The following TRANK1 variants were observed in gnomAD, a reference collection of about 807,000 sequenced individuals.
The protein encoded by TRANK1 is TPR and ankyrin repeat-containing protein 1.
A neutral mutation model predicts 266.0 loss-of-function variants in TRANK1; 198 were observed. The ratio of observed to expected loss-of-function variants is 0.74; its 90% CI spans 0.66 to 0.84. The LOEUF is 0.84. Among genes scored for constraint, TRANK1 ranks in the 40% least tolerant of loss-of-function variants. The pLI is 0.00. For missense variants in TRANK1, 3,326 were observed against 3,634.6 expected, an observed-to-expected ratio of 0.92 and a Z score of 2.18; for synonymous variants, 1,396 against 1,384.1, an observed-to-expected ratio of 1.01 and a Z score of -0.19.
chr3:36,840,549 A>G (rs901938306), intron 18 of TRANK1, among the ~76,000 whole-genome samples: 5 of 152,116 alleles, frequency 3.3e-5, no homozygotes, highest in Non-Finnish European at 7.4e-5. Flanking sequence ...CTCCCGTCCA[A>G]TCTAGGCTGA....
intron 1 of TRANK1, among the ~76,000 whole-genome samples, chr3:36,932,637 T>C (rs962415017): frequency 6.6e-6 from 1 of 152,126 alleles, no homozygotes. Flanking sequence ...TTAAAGTGAA[T>C]AAAGCAAACT....
chr3:36,842,895 A>G (rs1228952913), intron 17 of TRANK1, among the ~76,000 whole-genome samples, 185 bp from the exon 18 acceptor site: 1 of 152,198 alleles, frequency 6.6e-6, no homozygotes, highest in Non-Finnish European at 1.5e-5. Context: ...TGACTAGGTT[A>G]AAATGAGGCC....
intron 9 of TRANK1, among the ~76,000 whole-genome samples, chr3:36,866,068 G>GAA (rs2079217923): frequency 1.4e-5 from 2 of 139,320 alleles, no homozygotes; most frequent in East Asian, 2.1e-4. Flanking sequence ...AAGAAAGAAA[G>GAA]AAAGAAAGAA....
At chr3:36,934,378 G>A (rs1363594112) in intron 1 of TRANK1, among the ~76,000 whole-genome samples, 1 of 152,160 alleles carries the variant, frequency 6.6e-6, no homozygotes, top group African/African-American at 2.4e-5. Flanking sequence ...TTGCCCTGAG[G>A]CCCAGCTGCT....
intron 15 of TRANK1, 147 bp from the exon 16 acceptor site, chr3:36,847,493 A>C: frequency 1.2e-6 from 1 of 806,492 alleles, no homozygotes; most frequent in Non-Finnish European, 1.9e-6. Flanking sequence ...GTGATCTTAG[A>C]ATGGATAGGA....
chr3:36,884,858 G>A (rs535678548), intron 8 of TRANK1, among the ~76,000 whole-genome samples: 6 of 151,652 alleles, frequency 4.0e-5, no homozygotes, highest in South Asian at 2.1e-4. Context: ...GCTTGAACCC[G>A]GGAGGCGGAG....
chr3:36,877,857 C>A (rs187675501), intron 8 of TRANK1, among the ~76,000 whole-genome samples: 1 of 152,270 alleles, frequency 6.6e-6, no homozygotes, highest in Non-Finnish European at 1.5e-5. Flanking sequence ...CCATCGTTCA[C>A]CAGTATTTTA....
intron 2 of TRANK1, 110 bp downstream of exon 2, chr3:36,908,213 A>G (rs2080001587): frequency 1.7e-6 from 2 of 1,164,300 alleles, no homozygotes; most frequent in Non-Finnish European, 1.1e-6. Context: ...GGAAGTGAGC[A>G]ATAAAGAAAA....
intron 1 of TRANK1, among the ~76,000 whole-genome samples, chr3:36,932,867 G>A (rs1053334164): frequency 5.9e-5 from 9 of 152,228 alleles, no homozygotes; most frequent in African/African-American, 2.2e-4. Context: ...GTTTGTTTTT[G>A]CAGCCCTAAG....
At chr3:36,897,795 G>C in intron 4 of TRANK1, among the ~76,000 whole-genome samples, 1 of 152,002 alleles carries the variant, frequency 6.6e-6, no homozygotes, top group East Asian at 1.9e-4. Flanking sequence ...ATCAAACACC[G>C]TATTTAAAAA....
chr3:36,874,218 A>G lies in TRANK1; in HGVS notation c.986T>C (p.Val329Ala). 1.3e-6 allele frequency: 2 copies of G among 1,537,210 alleles called. No individual in the cohort carries two copies. Among genetic ancestry groups the G allele is most frequent in the South Asian group, 1.2e-5 (1 of 84,046 alleles). ...TLLDRQSRSV[V>A]DVLKRNKNFK... is the part of the protein sequence containing the mutation. Reference sequence around the variant, plus strand: ...GTTCTTATTCCTCTTCAGGACATCCACAACAGACCGAGACTGTCGATCCAG... The same window carrying G: ...GTTCTTATTCCTCTTCAGGACATCCGCAACAGACCGAGACTGTCGATCCAG... Residue 329 changes from valine (V) to alanine (A), a missense_variant, in exon 9 of 24, where the codon GTG becomes GCG. Physicochemically the swap from Val to Ala is moderately conservative, Grantham distance 64. Coordinates refer to ENST00000645898, the MANE Select transcript of TRANK1 (RefSeq NM_001329998.2).
intron 2 of TRANK1, among the ~76,000 whole-genome samples, chr3:36,907,744 A>G (rs1436495245): frequency 1.3e-5 from 2 of 152,098 alleles, no homozygotes; most frequent in Non-Finnish European, 2.9e-5. Flanking sequence ...GATTACAGGC[A>G]TGAGCCACCG....
chr3:36,859,391 G>A (rs1217409309), intron 11 of TRANK1, among the ~76,000 whole-genome samples: 2 of 151,664 alleles, frequency 1.3e-5, no homozygotes, highest in African/African-American at 2.4e-5. Context: ...CCTACATTAG[G>A]TATTTCTCCT....
intron 8 of TRANK1, among the ~76,000 whole-genome samples, chr3:36,879,796 A>AAATAC (rs1553624333): frequency 3.4e-5 from 3 of 87,612 alleles, no homozygotes; most frequent in Admixed American, 2.2e-4. Flanking sequence ...GTAAATATAT[A>AAATAC]AATATACAAA....
chr3:36,882,245 T>G (rs577408023), intron 8 of TRANK1, among the ~76,000 whole-genome samples: 73 of 152,348 alleles, frequency 4.8e-4, no homozygotes, highest in African/African-American at 1.7e-3. Flanking sequence ...TCAACATTTG[T>G]TGTTATCTTT....
At chr3:36,901,101 G>GT (rs55801006) in intron 3 of TRANK1, among the ~76,000 whole-genome samples, 36,446 of 136,552 alleles carry the variant, frequency 0.27, 5,138 homozygotes, top group Non-Finnish European at 0.33. Flanking sequence ...ATTCAAGGTT[G>GT]TTTTTTTTTT....
In TRANK1 at chr3:36,915,052, C is replaced by T. The variant is rs961350512; in HGVS notation, c.24-6598G>A. ...CTGCAAGCTCCGCCTCCCGGGTTCA[C>T]GCCATTCTCCTGCCTCAGCCTCTTG... On this transcript the variant is annotated intron_variant, in intron 1 of 23. Coordinates refer to ENST00000645898, the MANE Select transcript of TRANK1 (RefSeq NM_001329998.2). Among the ~76,000 whole-genome samples, 10 of 152,198 alleles carry T rather than the reference C, an allele frequency of 6.6e-5. No individual in the cohort carries two copies. In the East Asian group the frequency reaches 1.4e-3, roughly 21 times the overall value.
chr3:36,871,868 T>C (rs1185469298), intron 9 of TRANK1, among the ~76,000 whole-genome samples: 1 of 152,194 alleles, frequency 6.6e-6, no homozygotes, highest in Non-Finnish European at 1.5e-5. Context: ...TGCAATAATC[T>C]GCAGCCTGAC....
rs2079957281 is a variant in TRANK1 at position 36,905,734 on chromosome 3, T to C, written c.156-2459A>G. On this transcript the variant is annotated intron_variant, in intron 2 of 23. Transcript: ENST00000645898. The stretch of plus-strand genomic sequence containing the variant: ...CCTCAAGATGGAACCAGCTCTGCAG[T>C]ATGATTCATGCTCCAGAGCTGCCTA... Among the ~76,000 whole-genome samples the C allele has an allele frequency of 2.0e-5, 3 of 152,182 alleles. No homozygotes were observed. In the South Asian group the frequency reaches 6.2e-4, roughly 32 times the overall value.
Sources: gnomAD v4.1 joint callset for allele counts (sites outside exome capture counted in the v4.1 genomes callset) on GRCh38, gnomAD v4.1.1 for gene constraint, MANE v1.5 for transcripts, NCBI Gene and HGNC (gene_info 2026-07-23, HGNC 2026-07-21) for gene names.